Variants in BMP6 observed in about 807,000 individuals in gnomAD.
BMP6 encodes the protein VG-1-R.
In BMP6, 17 loss-of-function variants were observed where a neutral mutation model predicts 54.1. The ratio of observed to expected loss-of-function variants is 0.31; its 90% CI spans 0.22 to 0.47. The LOEUF is 0.47. BMP6 is among the 20% of genes least tolerant of loss of function. The pLI, the probability that BMP6 is intolerant of heterozygous loss-of-function variation, is 1.00. For missense variants in BMP6, 720 were observed against 690.4 expected (o/e 1.04, Z -0.48); for synonymous variants, 328 against 291.2 (o/e 1.13, Z -1.28).
chr6:7,824,348 G>A (rs1053651213), intron 1 of BMP6, among the ~76,000 whole-genome samples: 10 of 152,170 alleles, frequency 6.6e-5, no homozygotes, highest in Admixed American at 2.6e-4. Context: ...GTCTCCGTCC[G>A]GCTTGGCACG....
intron 4 of BMP6, among the ~76,000 whole-genome samples, chr6:7,872,293 TA>T (rs3837027): frequency 0.015 from 2,034 of 139,678 alleles, 35 homozygotes; most frequent in African/African-American, 0.04. Flanking sequence ...TCAATCTGTT[TA>T]AAAAAAAAAA....
At chr6:7,776,004 C>T (rs1757856693) in intron 1 of BMP6, among the ~76,000 whole-genome samples, 3 of 152,264 alleles carry the variant, frequency 2.0e-5, no homozygotes, top group South Asian at 2.1e-4. Flanking sequence ...CACTTGATCT[C>T]GTTAGAATGA....
At chr6:7,765,851 G>A (rs1360083025) in intron 1 of BMP6, among the ~76,000 whole-genome samples, 4 of 152,192 alleles carry the variant, frequency 2.6e-5, no homozygotes, top group Non-Finnish European at 5.9e-5. Flanking sequence ...CCTAGTAACC[G>A]CTTGCATTCC....
intron 1 of BMP6, among the ~76,000 whole-genome samples, chr6:7,742,204 A>AT (rs1167206467): frequency 2.0e-5 from 3 of 152,156 alleles, no homozygotes; most frequent in Non-Finnish European, 4.4e-5. Context: ...GACTTTCTAA[A>AT]TTTTTTTAAA....
At chr6:7,767,195 C>T (rs1470497616) in intron 1 of BMP6, among the ~76,000 whole-genome samples, 3 of 151,958 alleles carry the variant, frequency 2.0e-5, no homozygotes, top group Admixed American at 6.6e-5. Context: ...ACCGCGGTCT[C>T]GATCTCCTGA....
At chr6:7,869,650 G>T (rs576840891) in intron 4 of BMP6, among the ~76,000 whole-genome samples, 24 of 152,148 alleles carry the variant, frequency 1.6e-4, no homozygotes, top group Non-Finnish European at 1.9e-4. Context: ...ATGGGCCCCG[G>T]CAGCCTTCCC....
At chr6:7,740,561 C>T (rs1192090631) in intron 1 of BMP6, among the ~76,000 whole-genome samples, 3 of 152,136 alleles carry the variant, frequency 2.0e-5, no homozygotes, top group African/African-American at 7.2e-5. Context: ...CACTCCATTT[C>T]TGTACTCTCA....
intron 2 of BMP6, among the ~76,000 whole-genome samples, chr6:7,846,989 A>G (rs975693846): frequency 6.6e-6 from 1 of 152,134 alleles, no homozygotes; most frequent in Admixed American, 6.5e-5. Flanking sequence ...CTAGGCTGGG[A>G]GTTAAGTGAC....
At chr6:7,780,426 G>A (rs1757925326) in intron 1 of BMP6, among the ~76,000 whole-genome samples, 1 of 151,968 alleles carries the variant, frequency 6.6e-6, no homozygotes, top group South Asian at 2.1e-4. Context: ...GCTGGCCCCT[G>A]TAATCCCAGC....
In BMP6 at chr6:7,727,610, G is replaced by A; in HGVS notation, c.655G>A (p.Val219Met). 6.4e-7 allele frequency: 1 copy of A among 1,554,436 alleles called. No individual in the cohort carries two copies. Among genetic ancestry groups the A allele is most frequent in the Non-Finnish European group, 8.6e-7 (1 of 1,159,350 alleles). Residue 219 changes from valine (V) to methionine (M), a missense_variant, in exon 1 of 7, where the codon GTG becomes ATG. Val to Met is a conservative substitution (Grantham distance 21). Transcript: ENST00000283147. ...CGACGCGGACATGGTCATGAGCTTT[G>A]TGAACCTGGGTAAGGATTTGGGGTA... ...LNDADMVMSF[V>M]NLVEYDKEFS...
chr6:7,808,104 T>C (rs1758377319), intron 1 of BMP6, among the ~76,000 whole-genome samples: 6 of 152,004 alleles, frequency 3.9e-5, no homozygotes, highest in Non-Finnish European at 5.9e-5. Context: ...GTGTTTTTAG[T>C]AGAGATGGGG....
intron 1 of BMP6, among the ~76,000 whole-genome samples, chr6:7,829,533 A>G (rs1175910613): frequency 6.6e-6 from 1 of 152,154 alleles, no homozygotes. Context: ...GTGGGACCCC[A>G]TCTTTACAAA....
intron 2 of BMP6, among the ~76,000 whole-genome samples, chr6:7,851,925 TTTA>T (rs1332192558): frequency 6.6e-6 from 1 of 152,204 alleles, no homozygotes; most frequent in East Asian, 1.9e-4. Flanking sequence ...CAACTTGTGC[TTTA>T]TTATTCTTTT....
intron 2 of BMP6, among the ~76,000 whole-genome samples, chr6:7,851,197 A>T (rs1759136412): frequency 6.6e-6 from 1 of 152,230 alleles, no homozygotes; most frequent in African/African-American, 2.4e-5. Context: ...AAATCTAGAG[A>T]TCAATTTGGG....
chr6:7,761,693 C>T (rs1253800338), intron 1 of BMP6, among the ~76,000 whole-genome samples: 2 of 152,264 alleles, frequency 1.3e-5, no homozygotes, highest in East Asian at 3.9e-4. Context: ...CTTCAAGGCC[C>T]ATCTCAAATG....
At chr6:7,845,354 C>A (rs1759045620) in intron 2 of BMP6, 22 bp downstream of exon 2, 2 of 1,596,760 alleles carry the variant, frequency 1.3e-6, no homozygotes, top group Admixed American at 1.7e-5. Context: ...CGAGAAAGCC[C>A]CAAAGGTGGG....
At chr6:7,734,101 T>G (rs935501269) in intron 1 of BMP6, among the ~76,000 whole-genome samples, 3 of 152,208 alleles carry the variant, frequency 2.0e-5, no homozygotes, top group South Asian at 2.1e-4. Flanking sequence ...ATATGTAGTA[T>G]TTCAGCACCC....
At chr6:7,853,063 T>C (rs1169956267) in intron 2 of BMP6, among the ~76,000 whole-genome samples, 3 of 152,150 alleles carry the variant, frequency 2.0e-5, no homozygotes, top group Non-Finnish European at 2.9e-5. Flanking sequence ...CTGTGCCTCG[T>C]ACTAGAAATT....
chr6:7,819,284 G>C (rs986357051), intron 1 of BMP6, among the ~76,000 whole-genome samples: 1 of 152,198 alleles, frequency 6.6e-6, no homozygotes, highest in East Asian at 1.9e-4. Context: ...GAGGATGATC[G>C]GTTGAAATTC....
Sources: gnomAD v4.1 joint callset for allele counts (sites outside exome capture counted in the v4.1 genomes callset) on GRCh38, gnomAD v4.1.1 for gene constraint, MANE v1.5 for transcripts, NCBI Gene and HGNC (gene_info 2026-07-23, HGNC 2026-07-21) for gene names.